Variants in KDM4C observed in about 807,000 individuals in gnomAD.
KDM4C encodes lysine demethylase 4C, also known as lysine-specific demethylase 4C.
KDM4C carries 81 observed loss-of-function variants against 129.3 expected under a neutral mutation model. The ratio of observed to expected loss-of-function variants is 0.63; its 90% CI spans 0.52 to 0.75. The LOEUF (loss-of-function observed/expected upper bound fraction) is 0.75, where lower values mean the gene tolerates loss of function less well. KDM4C is among the 30% of genes least tolerant of loss of function. The pLI, the probability that KDM4C is intolerant of heterozygous loss-of-function variation, is 0.00. For synonymous variants in KDM4C, 573 were observed against 456.1 expected (o/e 1.26, Z -3.26); for missense variants, 1,457 against 1,304.0 (o/e 1.12, Z -1.81).
intron 8 of KDM4C, among the ~76,000 whole-genome samples, chr9:6,900,450 C>T (rs1412223520): frequency 6.6e-6 from 1 of 152,236 alleles, no homozygotes; most frequent in African/African-American, 2.4e-5. Flanking sequence ...GACTCTATCT[C>T]ACAATTGGTT....
intron 4 of KDM4C, among the ~76,000 whole-genome samples, chr9:6,840,423 G>C (rs1473056860): frequency 6.7e-6 from 1 of 149,698 alleles, no homozygotes; most frequent in African/African-American, 2.5e-5. Context: ...TTGAGACAGA[G>C]TCTCACTCTG....
intron 17 of KDM4C, among the ~76,000 whole-genome samples, chr9:7,067,176 A>G (rs1451378514): frequency 2.0e-5 from 3 of 152,184 alleles, no homozygotes; most frequent in Non-Finnish European, 2.9e-5. Flanking sequence ...TCAAAACTCC[A>G]TTTATCTTAG....
chr9:6,995,307 G>C (rs2131970107), intron 12 of KDM4C, among the ~76,000 whole-genome samples: 1 of 152,152 alleles, frequency 6.6e-6, no homozygotes, highest in South Asian at 2.1e-4. Flanking sequence ...AAACATAAAT[G>C]TGTGTACATA....
At chr9:7,028,893 A>G (rs1178059092) in intron 15 of KDM4C, among the ~76,000 whole-genome samples, 3 of 151,794 alleles carry the variant, frequency 2.0e-5, no homozygotes, top group African/African-American at 4.9e-5. Context: ...CTCCTGTGCC[A>G]TGTGACCGTT....
chr9:7,015,183 T>G (rs1320092686), intron 14 of KDM4C, among the ~76,000 whole-genome samples: 1 of 152,160 alleles, frequency 6.6e-6, no homozygotes, highest in Non-Finnish European at 1.5e-5. Context: ...TTTCAAAAAT[T>G]ACTCATTAAA....
chr9:6,926,925 C>G (rs879632531), intron 8 of KDM4C, among the ~76,000 whole-genome samples: 1 of 152,042 alleles, frequency 6.6e-6, no homozygotes, highest in Non-Finnish European at 1.5e-5. Flanking sequence ...TTGGTAGATG[C>G]AATTAAATGT....
At chr9:6,736,584 A>T (rs558568092) in intron 1 of KDM4C, among the ~76,000 whole-genome samples, 4 of 152,224 alleles carry the variant, frequency 2.6e-5, no homozygotes, top group African/African-American at 9.6e-5. Flanking sequence ...TGTTGAGCCT[A>T]TGGGTGCACA....
intron 19 of KDM4C, among the ~76,000 whole-genome samples, chr9:7,142,576 T>C (rs1394750214): frequency 6.6e-6 from 1 of 152,228 alleles, no homozygotes; most frequent in East Asian, 1.9e-4. Flanking sequence ...ATCTCTCATT[T>C]TGAGATTCAT....
At chr9:7,056,717 G>A (rs1398094500) in intron 17 of KDM4C, among the ~76,000 whole-genome samples, 1 of 152,130 alleles carries the variant, frequency 6.6e-6, no homozygotes, top group Non-Finnish European at 1.5e-5. Context: ...TAGACAGGTG[G>A]GACTTCAGAT....
At chr9:6,978,966 T>G (rs556501175) in intron 8 of KDM4C, 1 of 152,266 alleles carries the variant, frequency 6.6e-6, no homozygotes, top group Admixed American at 6.5e-5. Flanking sequence ...CTGAGACACT[T>G]TCCTCAGAAA....
intron 12 of KDM4C, among the ~76,000 whole-genome samples, chr9:7,008,555 G>C (rs1253251181): frequency 1.3e-5 from 2 of 152,134 alleles, no homozygotes; most frequent in Admixed American, 1.3e-4. Flanking sequence ...GTGAACCCTG[G>C]GTACAGGTCT....
rs118160934 is a variant in KDM4C at position 6,977,143 on chromosome 9, C to T, written c.922-3782C>T. Among the ~76,000 whole-genome samples the T allele has an allele frequency of 5.5e-3, 835 of 152,204 alleles. 5 individuals are homozygous for T. Among genetic ancestry groups the T allele is most frequent in the Non-Finnish European group, 5.7e-3 (391 of 68,010 alleles). On this transcript the variant is annotated intron_variant, in intron 8 of 21. Coordinates refer to ENST00000381309, the MANE Select transcript of KDM4C (RefSeq NM_015061.6). ...GACTACAGGTTATAGCCATGTGCCT[C>T]GTGTCATTTGGACATATTTAAATCT...
intron 8 of KDM4C, chr9:6,941,543 A>C (rs772277899): frequency 6.6e-6 from 1 of 152,216 alleles, no homozygotes; most frequent in Non-Finnish European, 1.5e-5. Context: ...ATTACATTTC[A>C]GGGCCAATGA....
intron 5 of KDM4C, among the ~76,000 whole-genome samples, chr9:6,858,128 C>T (rs1235223315): frequency 4.6e-5 from 7 of 151,920 alleles, no homozygotes; most frequent in Non-Finnish European, 1.0e-4. Flanking sequence ...CAGTAACCTG[C>T]TATATTGATG....
intron 18 of KDM4C, among the ~76,000 whole-genome samples, chr9:7,118,473 C>T (rs1839156762): frequency 6.6e-6 from 1 of 152,122 alleles, no homozygotes; most frequent in African/African-American, 2.4e-5. Context: ...ATGAGTGGTT[C>T]CTGCTGCATA....
intron 19 of KDM4C, among the ~76,000 whole-genome samples, chr9:7,148,561 A>G (rs1415517414): frequency 6.6e-6 from 1 of 152,174 alleles, no homozygotes; most frequent in African/African-American, 2.4e-5. Flanking sequence ...ACTGTCTGGG[A>G]GTGTATCACT....
chr9:6,773,034 CTG>C (rs1357092775), intron 1 of KDM4C, among the ~76,000 whole-genome samples: 1 of 151,892 alleles, frequency 6.6e-6, no homozygotes, highest in East Asian at 1.9e-4. Context: ...AGGTCTCACT[CTG>C]TCACTCAGGC....
intron 19 of KDM4C, among the ~76,000 whole-genome samples, chr9:7,129,573 T>G (rs1024711679): frequency 3.3e-5 from 5 of 152,246 alleles, no homozygotes; most frequent in African/African-American, 1.2e-4. Flanking sequence ...ACCTGCTGTG[T>G]GTCACTTACT....
chr9:6,807,589 T>C (rs1368693895), intron 3 of KDM4C, among the ~76,000 whole-genome samples: 1 of 140,916 alleles, frequency 7.1e-6, no homozygotes, highest in Admixed American at 7.1e-5. Flanking sequence ...GTCTGGGAGG[T>C]GAGGAGCGTT....
Sources: gnomAD v4.1 joint callset for allele counts (sites outside exome capture counted in the v4.1 genomes callset) on GRCh38, gnomAD v4.1.1 for gene constraint, MANE v1.5 for transcripts, NCBI Gene and HGNC (gene_info 2026-07-23, HGNC 2026-07-21) for gene names.